MTAP: variants seen among roughly 807,000 people sequenced by gnomAD.
The protein encoded by MTAP is S-methyl-5'-thioadenosine phosphorylase.
MTAP carries 33 observed loss-of-function variants against 33.6 expected under a neutral mutation model. The observed-to-expected ratio is 0.98, with a 90% CI of 0.74 to 1.31. The LOEUF (loss-of-function observed/expected upper bound fraction) is 1.31, where lower values mean the gene tolerates loss of function less well. Ranked by LOEUF, MTAP falls within the 40% of genes most tolerant of loss-of-function variation. The pLI is 0.00. For synonymous variants in MTAP, 148 were observed against 125.7 expected (o/e 1.18, Z -1.19); for missense variants, 367 against 360.0 (o/e 1.02, Z -0.16).
At chr9:21,843,743 A>G (rs1038908753) in intron 5 of MTAP, among the ~76,000 whole-genome samples, 1 of 152,342 alleles carries the variant, frequency 6.6e-6, no homozygotes, top group Middle Eastern at 3.4e-3. Flanking sequence ...GGATACAGAA[A>G]AAGTGGTGCT....
chr9:21,879,840 C>A (rs988266066), intron 1 of MTAP, among the ~76,000 whole-genome samples: 1 of 151,882 alleles, frequency 6.6e-6, no homozygotes, highest in Non-Finnish European at 1.5e-5. Context: ...TTTTTTTCTT[C>A]ATGAATGTTG....
intron 4 of MTAP, among the ~76,000 whole-genome samples, chr9:21,821,633 G>T (rs1375023779): frequency 6.6e-6 from 1 of 152,124 alleles, no homozygotes; most frequent in Non-Finnish European, 1.5e-5. Context: ...GATGATGCTG[G>T]CCTCATAAAA....
chr9:21,828,387 T>A (rs147471308), intron 4 of MTAP, among the ~76,000 whole-genome samples: 2 of 152,280 alleles, frequency 1.3e-5, no homozygotes, highest in African/African-American at 2.4e-5. Flanking sequence ...AAAAGAAGGA[T>A]CCCTGGCAGG....
downstream of MTAP, among the ~76,000 whole-genome samples, chr9:21,938,730 T>C (rs1242905550): frequency 3.3e-5 from 5 of 152,204 alleles, no homozygotes; most frequent in Admixed American, 2.6e-4. Context: ...AAGTCTGTTG[T>C]CATCCACAAA....
chr9:21,808,299 A>G (rs1395836397), intron 1 of MTAP, among the ~76,000 whole-genome samples: 1 of 152,086 alleles, frequency 6.6e-6, no homozygotes, highest in Non-Finnish European at 1.5e-5. Flanking sequence ...GACAACACAC[A>G]TGAGGCCGGG....
chr9:21,925,672 G>C (rs1818858444), intron 1 of MTAP, among the ~76,000 whole-genome samples: 1 of 152,162 alleles, frequency 6.6e-6, no homozygotes, highest in Non-Finnish European at 1.5e-5. Context: ...TCAACCACTG[G>C]AAATGGAACT....
intron 2 of MTAP, 41 bp from the exon 3 acceptor site, chr9:21,816,673 T>C (rs1563831649): frequency 6.4e-7 from 1 of 1,574,050 alleles, no homozygotes; most frequent in Admixed American, 1.7e-5. Context: ...ATACCTGTTT[T>C]TAAATCACTG....
intron 4 of MTAP, among the ~76,000 whole-genome samples, chr9:21,821,433 A>T (rs982950062): frequency 7.2e-5 from 11 of 152,238 alleles, no homozygotes; most frequent in Non-Finnish European, 1.3e-4. Flanking sequence ...ATGTTTATTG[A>T]TTTGCGTATG....
In MTAP at chr9:21,818,089, C is replaced by A. The variant is rs1424734591; in HGVS notation, c.234C>A (p.Ile78=). The A allele has an allele frequency of 1.9e-6, 3 of 1,613,710 alleles. No individual in the cohort carries two copies. In the East Asian group the frequency reaches 6.7e-5, roughly 36 times the overall value. The change falls in exon 4 of 8, where the codon ATC becomes ATA. Residue 78 remains isoleucine (I), a synonymous_variant. Transcript: ENST00000644715. ...CAAAGGTCAACTACCAGGCGAACAT[C>A]TGGGCTTTGAAGGAAGAGGGCTGTA... The part of the protein sequence containing the change: ...MPSKVNYQAN[I]WALKEEGCTH...
At chr9:21,831,271 A>G (rs893291941) in intron 4 of MTAP, among the ~76,000 whole-genome samples, 2 of 152,112 alleles carry the variant, frequency 1.3e-5, no homozygotes, top group Non-Finnish European at 2.9e-5. Context: ...AGTACACCAT[A>G]TTTATTATGC....
At chr9:21,891,480 A>T (rs1050649626) in intron 1 of MTAP, among the ~76,000 whole-genome samples, 1 of 152,224 alleles carries the variant, frequency 6.6e-6, no homozygotes, top group African/African-American at 2.4e-5. Flanking sequence ...AAAACTCACT[A>T]CAAAAATTCC....
chr9:21,921,219 A>G (rs1818782007), intron 1 of MTAP, among the ~76,000 whole-genome samples: 1 of 151,818 alleles, frequency 6.6e-6, no homozygotes, highest in Admixed American at 6.6e-5. Context: ...ATTGTTTTTA[A>G]TGATTCTTTG....
intron 1 of MTAP, among the ~76,000 whole-genome samples, chr9:21,810,461 C>G (rs916975150): frequency 3.8e-4 from 58 of 152,314 alleles, no homozygotes; most frequent in African/African-American, 1.2e-3. Flanking sequence ...TAACAACCCA[C>G]TCTCACTGGA....
intron 7 of MTAP, 34 bp downstream of exon 7, chr9:21,859,459 G>C: frequency 6.3e-7 from 1 of 1,582,206 alleles, no homozygotes; most frequent in South Asian, 1.2e-5. Flanking sequence ...AGGCATGTCT[G>C]TAGACTCTCT....
intron 4 of MTAP, among the ~76,000 whole-genome samples, chr9:21,834,343 G>T (rs982110053): frequency 6.6e-6 from 1 of 152,200 alleles, no homozygotes; most frequent in South Asian, 2.1e-4. Flanking sequence ...CCTGAAATCC[G>T]TGTTTTCCAG....
chr9:21,815,942 T>C (rs1297954367), intron 2 of MTAP, among the ~76,000 whole-genome samples: 5 of 152,136 alleles, frequency 3.3e-5, no homozygotes, highest in African/African-American at 1.2e-4. Context: ...GTGGAAAGAA[T>C]TGTTTTGGGG....
rs757389651 is a variant in MTAP at position 21,859,439 on chromosome 9, A to T, written c.813+14A>T. On this transcript the variant is annotated intron_variant, in intron 7 of 7. Coordinates refer to ENST00000644715, the MANE Select transcript of MTAP (RefSeq NM_002451.4). ...CATAACCTGAAGGTAAGTGTCAGCC[A>T]TGGACAATCAGGCATGTCTGTAGAC... 6.2e-7 allele frequency: 1 copy of T among 1,603,072 alleles called. No individual in the cohort carries two copies.
chr9:21,898,154 G>A (rs1452355930), intron 1 of MTAP, among the ~76,000 whole-genome samples: 2 of 152,156 alleles, frequency 1.3e-5, no homozygotes. Flanking sequence ...TTTAATAAAT[G>A]ATGCTGGGAA....
chr9:21,896,258 A>G (rs1440014565), intron 1 of MTAP, among the ~76,000 whole-genome samples: 1 of 152,242 alleles, frequency 6.6e-6, no homozygotes, highest in Non-Finnish European at 1.5e-5. Context: ...ACACATTTAA[A>G]GCAATAAATG....
Sources: gnomAD v4.1 joint callset for allele counts (sites outside exome capture counted in the v4.1 genomes callset) on GRCh38, gnomAD v4.1.1 for gene constraint, MANE v1.5 for transcripts, NCBI Gene and HGNC (gene_info 2026-07-23, HGNC 2026-07-21) for gene names.